The following FREM1 variants were observed in gnomAD, a reference collection of about 807,000 sequenced individuals.
The protein encoded by FREM1 is FRAS1 related extracellular matrix 1.
FREM1 carries 220 observed loss-of-function variants against 210.1 expected under a neutral mutation model. The observed-to-expected ratio is 1.05, with a 90% CI of 0.94 to 1.17. The LOEUF is 1.17. FREM1 is among the 50% of genes most tolerant of loss of function. FREM1 has a pLI of 0.00. For missense variants in FREM1, 3,454 were observed against 2,675.5 expected, an observed-to-expected ratio of 1.29 and a Z score of -6.42; for synonymous variants, 1,189 against 980.2, an observed-to-expected ratio of 1.21 and a Z score of -3.98.
intron 2 of FREM1, among the ~76,000 whole-genome samples, chr9:14,864,163 T>A (rs1041028512): frequency 1.3e-5 from 2 of 152,212 alleles, no homozygotes; most frequent in Non-Finnish European, 2.9e-5. Context: ...TAAGGGATGA[T>A]TACGTCTCTA....
intron 35 of FREM1, among the ~76,000 whole-genome samples, chr9:14,740,632 G>T (rs2131877696): frequency 6.6e-6 from 1 of 152,296 alleles, no homozygotes; most frequent in Non-Finnish European, 1.5e-5. Context: ...AATTTGATGA[G>T]TAAGTTAACC....
At chr9:14,796,297 T>A (rs996352515) in intron 21 of FREM1, among the ~76,000 whole-genome samples, 1 of 152,186 alleles carries the variant, frequency 6.6e-6, no homozygotes, top group Admixed American at 6.5e-5. Context: ...CTCTTACTGT[T>A]GCACTATTGA....
chr9:14,824,879 C>G lies in FREM1; in HGVS notation c.1995G>C (p.Gln665His), dbSNP rs752959149. 1 of 1,613,328 alleles carries G rather than the reference C, an allele frequency of 6.2e-7. No homozygotes were observed. The highest frequency in any genetic ancestry group is 1.3e-5 in the African/African-American group (1 of 74,880). ...ETEVAYITKK[Q>H]LHFIDSESYD... Reference sequence around the variant, plus strand: ...ATGATTCTGAATCTATAAAATGTAGCTGTTTCTTAGTTATATAGGCCACCT... The same window carrying G: ...ATGATTCTGAATCTATAAAATGTAGGTGTTTCTTAGTTATATAGGCCACCT... Residue 665 changes from glutamine (Q) to histidine (H), a missense_variant, in exon 11 of 37, where the codon CAG becomes CAC. Gln to His is a conservative substitution (Grantham distance 24). Coordinates refer to ENST00000380880, the MANE Select transcript of FREM1 (RefSeq NM_001379081.2).
intron 22 of FREM1, 81 bp downstream of exon 22, chr9:14,792,662 T>C (rs1489374570): frequency 2.8e-6 from 3 of 1,073,584 alleles, no homozygotes; most frequent in Admixed American, 3.0e-5. Context: ...AGAGAATAAA[T>C]CCCATCATAG....
In FREM1 at chr9:14,841,509, CA is replaced by C; in HGVS notation, c.1818del (p.Phe606LeufsTer28). On this transcript the variant is annotated frameshift_variant, in exon 10 of 37. Coordinates refer to ENST00000380880, the MANE Select transcript of FREM1 (RefSeq NM_001379081.2). LOFTEE classifies it high-confidence loss of function. ...IYYRHFGGEI[F>X]EDSFQFVLWD... The stretch of plus-strand genomic sequence containing the variant: ...CACAGGACAAATTGAAAAGAATCTT[CA>C]AAGATTTCTCCACCAAAATGACGAT... 6.2e-7 allele frequency: 1 copy of C among 1,612,054 alleles called. No homozygotes were observed. Among genetic ancestry groups the C allele is most frequent in the Non-Finnish European group, 8.5e-7 (1 of 1,178,572 alleles).
Position 14,749,834 on chromosome 9 carries a change from T to C in FREM1, c.5557+293A>G, listed in dbSNP as rs1206711863. Among the ~76,000 whole-genome samples, 6 of 152,154 alleles carry C rather than the reference T, an allele frequency of 3.9e-5. No individual in the cohort carries two copies. In the East Asian group the frequency reaches 1.2e-3, roughly 29 times the overall value. On this transcript the variant is annotated intron_variant, in intron 30 of 36. Coordinates refer to ENST00000380880, the MANE Select transcript of FREM1 (RefSeq NM_001379081.2). Reference sequence around the variant, plus strand: ...CTCTACAGACTCTGGGGAAAATAATTGTCGACAGATTCTCACCAACACTGT... The same window carrying C: ...CTCTACAGACTCTGGGGAAAATAATCGTCGACAGATTCTCACCAACACTGT...
intron 35 of FREM1, among the ~76,000 whole-genome samples, chr9:14,743,471 G>A (rs7857091): frequency 0.33 from 50,031 of 151,486 alleles, 8,268 homozygotes; most frequent in South Asian, 0.4. Flanking sequence ...TTATAATCTC[G>A]TAATAAAGAA....
intron 3 of FREM1, among the ~76,000 whole-genome samples, chr9:14,861,049 A>C (rs1161760190): frequency 2.6e-5 from 2 of 77,740 alleles, no homozygotes; most frequent in African/African-American, 1.3e-4. Flanking sequence ...ATATATACAT[A>C]TATACATATA....
At chr9:14,825,411 C>G (rs562710409) in intron 10 of FREM1, among the ~76,000 whole-genome samples, 1 of 149,306 alleles carries the variant, frequency 6.7e-6, no homozygotes, top group Non-Finnish European at 1.5e-5. Flanking sequence ...TCACTTGAAT[C>G]CTGGAGGAGG....
At chr9:14,874,147 G>T (rs11506194) in intron 1 of FREM1, among the ~76,000 whole-genome samples, 2 of 152,038 alleles carry the variant, frequency 1.3e-5, no homozygotes, top group South Asian at 4.1e-4. Context: ...ATATTCTGTT[G>T]ATTTGGGGTG....
At chr9:14,810,097 T>C (rs1433540723) in intron 16 of FREM1, among the ~76,000 whole-genome samples, 1 of 152,112 alleles carries the variant, frequency 6.6e-6, no homozygotes, top group Non-Finnish European at 1.5e-5. Flanking sequence ...CAGATGCCTT[T>C]GCTGGCTTTG....
intron 4 of FREM1, 73 bp downstream of exon 4, chr9:14,859,110 G>A (rs1432925600): frequency 4.0e-6 from 5 of 1,238,984 alleles, no homozygotes; most frequent in Non-Finnish European, 5.5e-6. Flanking sequence ...CTTCATCATG[G>A]TGGAAGGTGA....
In FREM1 at chr9:14,806,670, T is replaced by G. The variant is rs756103111; in HGVS notation, c.3265A>C (p.Ile1089Leu). The change falls in exon 18 of 37, where the codon ATA becomes CTA. Residue 1089 changes from isoleucine to leucine, a missense_variant. By Grantham distance (5) the Ile-to-Leu change is conservative. Coordinates refer to ENST00000380880, the MANE Select transcript of FREM1 (RefSeq NM_001379081.2). Reference sequence around the variant, plus strand: ...CGAAGCTACAGCTTACCTATACTTATGCCAATATTGCTTTTTTCAAAACCC... The same window carrying G: ...CGAAGCTACAGCTTACCTATACTTAGGCCAATATTGCTTTTTTCAAAACCC... ...SVGFEKSNIG[I>L]SIDSFQWKDM... 4 of 1,582,766 alleles carry G rather than the reference T, an allele frequency of 2.5e-6. No individual in the cohort carries two copies. The highest frequency in any genetic ancestry group is 3.5e-6 in the Non-Finnish European group (4 of 1,158,110).
chr9:14,812,387 G>C (rs1364363997), intron 16 of FREM1, among the ~76,000 whole-genome samples: 1 of 152,156 alleles, frequency 6.6e-6, no homozygotes, highest in East Asian at 1.9e-4. Flanking sequence ...AACTCAAAAA[G>C]CAGACCAGTT....
At chr9:14,859,106 C>G in intron 4 of FREM1, 77 bp downstream of exon 4, 1 of 1,212,968 alleles carries the variant, frequency 8.2e-7, no homozygotes, top group East Asian at 2.4e-5. Flanking sequence ...AACTCTTCAT[C>G]ATGGTGGAAG....
intron 18 of FREM1, 27 bp from the exon 19 acceptor site, chr9:14,805,179 A>G (rs891559707): frequency 1.9e-5 from 26 of 1,401,846 alleles, no homozygotes; most frequent in East Asian, 2.4e-5. Context: ...TGGAACAGAT[A>G]AATAAAAAAA....
At position 14,776,059 on chromosome 9, in the gene FREM1, G is replaced by A; in HGVS notation, c.4587C>T (p.Leu1529=). The A allele has an allele frequency of 6.2e-7, 1 of 1,613,818 alleles. No individual in the cohort carries two copies. Among genetic ancestry groups the A allele is most frequent in the Non-Finnish European group, 8.5e-7 (1 of 1,179,698 alleles). ...GTGTATCAGGGTCGGTCAGCTGAAG[G>A]AGGTCAGGGGAAAGCAGGCCCACGG... The part of the protein sequence containing the change: ...QGAVGLLSPD[L]LQLTDPDTPA... The change falls in exon 25 of 37, where the codon CTC becomes CTT. Residue 1529 remains leucine (L), a synonymous_variant. Transcript: ENST00000380880.
chr9:14,890,375 G>A (rs1357309396), intron 1 of FREM1, among the ~76,000 whole-genome samples: 1 of 152,102 alleles, frequency 6.6e-6, no homozygotes, highest in Non-Finnish European at 1.5e-5. Context: ...TTAAAAGCTT[G>A]CCACAAAAAA....
intron 24 of FREM1, among the ~76,000 whole-genome samples, chr9:14,783,804 A>G (rs754733790): frequency 6.6e-5 from 10 of 152,370 alleles, no homozygotes; most frequent in Non-Finnish European, 1.5e-4. Flanking sequence ...CCCCAATTAC[A>G]ACATTGTTTC....
Sources: allele counts gnomAD v4.1 joint callset (sites outside exome capture counted in the v4.1 genomes callset), GRCh38; gene constraint gnomAD v4.1.1; transcripts MANE v1.5; gene names NCBI Gene and HGNC (gene_info 2026-07-23, HGNC 2026-07-21).